The following PKD1L1 variants were observed in gnomAD, a reference collection of about 807,000 sequenced individuals.
The protein encoded by PKD1L1 is polycystin 1 like 1, transient receptor potential channel interacting, also known as polycystin-1-like protein 1.
In PKD1L1, 236 loss-of-function variants were observed where a neutral mutation model predicts 323.4. That is an observed-to-expected ratio of 0.73 (90% CI 0.66 to 0.81). PKD1L1 has a LOEUF of 0.81. Ranked by LOEUF, PKD1L1 falls within the 40% of genes least tolerant of loss-of-function variation. The probability of loss-of-function intolerance (pLI) is 0.00; values close to 1 mark genes in which losing one functional copy is unlikely to be tolerated. For missense variants in PKD1L1, 3,320 were observed against 3,508.0 expected (o/e 0.95, Z 1.35); for synonymous variants, 1,344 against 1,335.0 (o/e 1.01, Z -0.15).
intron 13 of PKD1L1, among the ~76,000 whole-genome samples, chr7:47,899,151 C>T (rs1787022260): frequency 6.6e-6 from 1 of 152,088 alleles, no homozygotes; most frequent in African/African-American, 2.4e-5. Flanking sequence ...AAAATATTAG[C>T]ATTATTCATT....
Position 47,836,946 on chromosome 7 carries a change from A to C in PKD1L1, c.5918T>G (p.Leu1973Arg). The C allele has an allele frequency of 6.2e-7, 1 of 1,614,118 alleles. No homozygotes were observed. The highest frequency in any genetic ancestry group is 8.5e-7 in the Non-Finnish European group (1 of 1,180,010). Residue 1973 changes from leucine (L) to arginine (R), a missense_variant, in exon 37 of 57, where the codon CTG (leucine) becomes CGG (arginine). By Grantham distance (102) the Leu-to-Arg change is moderately radical. Transcript: ENST00000289672. Reference protein sequence around the residue: ...LLCVYACLTALVAAGGQEQPH... With the variant: ...LLCVYACLTARVAAGGQEQPH... ...CTGCTCTTGCCCTCCAGCAGCAACC[A>C]GGGCAGTGAGACACGCGTAGACGCA...
chr7:47,818,465 C>T (rs187681693), intron 46 of PKD1L1, among the ~76,000 whole-genome samples: 16 of 152,324 alleles, frequency 1.1e-4, no homozygotes, highest in Admixed American at 7.8e-4. Flanking sequence ...TGAGTTTGCA[C>T]CACTTTCGGG....
chr7:47,867,083 A>C lies in PKD1L1; in HGVS notation c.3897-469T>G, dbSNP rs1786185200. ...AGGCCAGTTTCAGCCCTTGTTCTGC[A>C]ATTTATTTGCTGTATGAGCACAAGA... is the stretch of plus-strand genomic sequence containing the variant. On this transcript the variant is annotated intron_variant, in intron 24 of 56. Transcript: ENST00000289672. Among the ~76,000 whole-genome samples the C allele has an allele frequency of 1.3e-5, 2 of 152,240 alleles. 1 individual carries two copies. The highest frequency in any genetic ancestry group is 4.1e-4 in the South Asian group (2 of 4,832).
intron 1 of PKD1L1, among the ~76,000 whole-genome samples, chr7:47,944,830 C>G (rs1788063380): frequency 6.6e-6 from 1 of 152,204 alleles, no homozygotes; most frequent in South Asian, 2.1e-4. Context: ...GTGTCTGGCA[C>G]CAATCGACTT....
chr7:47,931,257 A>G lies in PKD1L1; in HGVS notation c.584T>C (p.Leu195Pro). Residue 195 changes from leucine to proline, a missense_variant, in exon 6 of 57, where the codon CTG becomes CCG. By Grantham distance (98) the Leu-to-Pro change is moderately conservative. Transcript: ENST00000289672. The part of the protein sequence containing the change: ...SLKMEASCCV[L>P]RLLCCAEDVA... ...ATCCTCCGCACAGCACAGCAGTCTC[A>G]GGACACAGCAGGAAGCCTCCATCTT... 1.9e-6 allele frequency: 3 copies of G among 1,614,112 alleles called. No homozygotes were observed. The highest frequency in any genetic ancestry group is 2.5e-6 in the Non-Finnish European group (3 of 1,179,918).
intron 24 of PKD1L1, among the ~76,000 whole-genome samples, chr7:47,873,173 G>T (rs1166222074): frequency 4.6e-5 from 7 of 152,114 alleles, no homozygotes; most frequent in Admixed American, 1.3e-4. Flanking sequence ...GAAGCTGGGT[G>T]GTGGGTAAAG....
At position 47,855,215 on chromosome 7, in the gene PKD1L1, G is replaced by A. The variant is rs746238686; in HGVS notation, c.4641C>T (p.Pro1547=). ...GTTTCCTTAGCCATTGCCTGTTGAT[G>A]GGTCTTCTGCTGGAGCAGGTATAGA... ...LNLYTCSSRR[P]INRQWLRKPV... is the part of the protein sequence containing the mutation. The change falls in exon 29 of 57, where the codon CCC becomes CCT. Residue 1547 remains proline, a synonymous_variant. Transcript: ENST00000289672. 9.3e-6 allele frequency: 15 copies of A among 1,614,144 alleles called. No individual in the cohort carries two copies. The highest frequency in any genetic ancestry group is 8.3e-5 in the Admixed American group (5 of 60,020).
chr7:47,908,333 G>C, intron 8 of PKD1L1, 83 bp from the exon 9 acceptor site: 2 of 1,326,484 alleles, frequency 1.5e-6, no homozygotes, highest in South Asian at 2.7e-5. Context: ...GGTCAAAATG[G>C]GGTGATTAAT....
chr7:47,810,620 C>T (rs1298623626), intron 50 of PKD1L1, among the ~76,000 whole-genome samples: 2 of 152,212 alleles, frequency 1.3e-5, no homozygotes, highest in Non-Finnish European at 2.9e-5. Context: ...GAGTCTAAAA[C>T]CTCTTGGGAC....
intron 46 of PKD1L1, among the ~76,000 whole-genome samples, chr7:47,815,832 T>C (rs987669664): frequency 1.4e-5 from 2 of 144,282 alleles, no homozygotes; most frequent in Non-Finnish European, 3.0e-5. Context: ...ACATATACTA[T>C]GTTGTGACAA....
chr7:47,887,094 G>A (rs1390780167), intron 17 of PKD1L1, among the ~76,000 whole-genome samples: 1 of 152,210 alleles, frequency 6.6e-6, no homozygotes. Flanking sequence ...CATGGGCTCT[G>A]ATTCAGAAAA....
rs140064044 is a variant in PKD1L1, at chr7:47,831,333, C to T, written c.6357G>A (p.Glu2119=). ...PHTQAPSSGL[E]GLMPQWSRAL... is the part of the protein sequence containing the mutation. ...CCCTTGACCACTGGGGCATTAGTCCCTCCAAACCACTGCTGGGTGCTGCGG... is the reference window on the plus strand; with the variant it reads ...CCCTTGACCACTGGGGCATTAGTCCTTCCAAACCACTGCTGGGTGCTGCGG... The change falls in exon 42 of 57, where the codon GAG becomes GAA. Residue 2119 remains glutamate, a synonymous_variant. Transcript: ENST00000289672. 55 of 1,613,598 alleles carry T rather than the reference C, an allele frequency of 3.4e-5. No individual in the cohort carries two copies. The highest frequency in any genetic ancestry group is 1.0e-4 in the Admixed American group (6 of 59,888).
chr7:47,805,868 T>C (rs1006395171), intron 52 of PKD1L1, among the ~76,000 whole-genome samples: 8 of 152,212 alleles, frequency 5.3e-5, no homozygotes, highest in African/African-American at 1.9e-4. Flanking sequence ...CATTAGATGG[T>C]TGGATAGCTC....
At chr7:47,950,040 T>C (rs1788181140), upstream of PKD1L1, among the ~76,000 whole-genome samples, 1 of 152,296 alleles carries the variant, frequency 6.6e-6, no homozygotes, top group Middle Eastern at 3.4e-3. Context: ...ATGCATACTT[T>C]CCAATTTCAT....
intron 26 of PKD1L1, among the ~76,000 whole-genome samples, chr7:47,864,768 G>A (rs2128743610): frequency 6.8e-6 from 1 of 146,228 alleles, no homozygotes; most frequent in East Asian, 2.1e-4. Context: ...GCCCAGGCTG[G>A]AGTGCAGTGG....
rs183864977 is a variant in PKD1L1 at position 47,904,295 on chromosome 7, T to C, written c.1931+83A>G. The C allele has an allele frequency of 3.6e-4, 563 of 1,574,904 alleles. 1 individual carries two copies. Among genetic ancestry groups the C allele is most frequent in the Admixed American group, 6.8e-4 (40 of 58,780 alleles). On this transcript the variant is annotated intron_variant, in intron 12 of 56. Coordinates refer to ENST00000289672, the MANE Select transcript of PKD1L1 (RefSeq NM_138295.5). ...ACGTTGACTGACAGGCAGGTCTCTATGTGGAACCCAAGGGCTGATGCCTTA... is the reference window on the plus strand; with the variant it reads ...ACGTTGACTGACAGGCAGGTCTCTACGTGGAACCCAAGGGCTGATGCCTTA...
chr7:47,904,297 T>C (rs2128750933), intron 12 of PKD1L1, 81 bp downstream of exon 12: 1 of 1,578,940 alleles, frequency 6.3e-7, no homozygotes, highest in East Asian at 2.2e-5. Flanking sequence ...GGTCTCTATG[T>C]GGAACCCAAG....
intron 52 of PKD1L1, among the ~76,000 whole-genome samples, chr7:47,806,568 T>C (rs954192141): frequency 6.6e-6 from 1 of 152,208 alleles, no homozygotes; most frequent in African/African-American, 2.4e-5. Flanking sequence ...GGCCCTAATA[T>C]TGGTACCAGG....
At chr7:47,828,138 G>A (rs1475073072) in intron 44 of PKD1L1, among the ~76,000 whole-genome samples, 3 of 152,130 alleles carry the variant, frequency 2.0e-5, no homozygotes, top group African/African-American at 7.2e-5. Context: ...CAGCTGTTGT[G>A]CTGTTCTGAG....
Sources: allele counts gnomAD v4.1 joint callset (sites outside exome capture counted in the v4.1 genomes callset), GRCh38; gene constraint gnomAD v4.1.1; transcripts MANE v1.5; gene names NCBI Gene and HGNC (gene_info 2026-07-23, HGNC 2026-07-21).